Variants in NCOR2 observed in about 807,000 individuals in gnomAD.
NCOR2 encodes the protein nuclear receptor corepressor 2, also known as CTG repeat protein 26.
A neutral mutation model predicts 262.9 loss-of-function variants in NCOR2; 81 were observed. That is an observed-to-expected ratio of 0.31 (90% CI 0.26 to 0.37). NCOR2 has a LOEUF of 0.37. Among genes scored for constraint, NCOR2 ranks in the 10% least tolerant of loss-of-function variants. NCOR2 has a pLI of 1.00. For missense variants in NCOR2, 3,385 were observed against 3,621.4 expected (o/e 0.93, Z 1.68); for synonymous variants, 1,659 against 1,559.3 (o/e 1.06, Z -1.51).
At chr12:124,506,041 C>T (rs1380439724) in intron 1 of NCOR2, among the ~76,000 whole-genome samples, 1 of 151,936 alleles carries the variant, frequency 6.6e-6, no homozygotes, top group Non-Finnish European at 1.5e-5. Context: ...CTCTATCATT[C>T]CCCACATTCT....
chr12:124,495,259 G>T, upstream of NCOR2: 3 of 1,609,578 alleles, frequency 1.9e-6, no homozygotes, highest in Non-Finnish European at 1.7e-6. The surrounding 1 kb of genome is among the most constrained non-coding windows in gnomAD (Gnocchi z 4.4). Flanking sequence ...CATGGTGGTG[G>T]GGGTCGGCGG....
chr12:124,325,481 G>T (rs1245402432), exon 47 of NCOR2: 2 of 1,363,652 alleles, frequency 1.5e-6, no homozygotes, highest in Non-Finnish European at 1.9e-6. Flanking sequence ...GTGGGGGCCA[G>T]CGAGGGGCCC....
At chr12:124,429,391 T>G in intron 10 of NCOR2, 4 of 547,628 alleles carry the variant, frequency 7.3e-6, no homozygotes, top group East Asian at 3.1e-5. Context: ...CTGCAGGGGG[T>G]CCTGCTACCC....
chr12:124,542,489 C>T (rs2051403108), intron 1 of NCOR2: 1 of 152,476 alleles, frequency 6.6e-6, no homozygotes, highest in African/African-American at 2.4e-5. Flanking sequence ...CCACCTCTGC[C>T]CTGGGCACCG....
chr12:124,473,274 C>T, intron 3 of NCOR2, 143 bp from the exon 6 acceptor site: 2 of 1,025,358 alleles, frequency 2.0e-6, no homozygotes, highest in Non-Finnish European at 2.8e-6. Context: ...AGGGTGTTGC[C>T]AAAGGAGATT....
chr12:124,520,759 C>T (rs2050139819), intron 1 of NCOR2, among the ~76,000 whole-genome samples: 1 of 152,334 alleles, frequency 6.6e-6, no homozygotes, highest in Non-Finnish European at 1.5e-5. Context: ...AAAGAACTCC[C>T]CATCACGCAA....
At chr12:124,333,723 T>C (rs1330233667) in intron 41 of NCOR2, among the ~76,000 whole-genome samples, 3 of 151,588 alleles carry the variant, frequency 2.0e-5, no homozygotes, top group Non-Finnish European at 4.4e-5. Flanking sequence ...CCTCTCTTTC[T>C]CTTTTGACCC....
chr12:124,486,522 G>A, exon 2 of NCOR2: 2 of 1,604,160 alleles, frequency 1.2e-6, no homozygotes, highest in Middle Eastern at 1.7e-4. Flanking sequence ...CGACAGGTGG[G>A]AGGCATAGTC....
chr12:124,373,934 G>A (rs1030729915), intron 19 of NCOR2, among the ~76,000 whole-genome samples: 2 of 152,196 alleles, frequency 1.3e-5, no homozygotes, highest in South Asian at 4.1e-4. Context: ...CCACACCAAC[G>A]GCCTCAGCAT....
At chr12:124,546,550 G>T (rs939402583) in intron 1 of NCOR2, among the ~76,000 whole-genome samples, 1 of 152,104 alleles carries the variant, frequency 6.6e-6, no homozygotes, top group African/African-American at 2.4e-5. Flanking sequence ...GAGTATCTGG[G>T]ATTACAGGCG....
intron 7 of NCOR2, among the ~76,000 whole-genome samples, chr12:124,439,115 A>T (rs1460717983): frequency 5.4e-5 from 8 of 148,786 alleles, no homozygotes; most frequent in African/African-American, 2.0e-4. Flanking sequence ...AGAGACAGAG[A>T]CCCAGAGACA....
rs140410776 is a variant in NCOR2 at position 124,503,671 on chromosome 12, A to AATGG, written c.-117-8307_-117-8304dup. Among the ~76,000 whole-genome samples the AATGG allele has an allele frequency of 0.25, 30,248 of 121,962 alleles. 3,506 individuals are homozygous for AATGG. The highest frequency in any genetic ancestry group is 0.38 in the Middle Eastern group (83 of 216). 80.0% of individuals were successfully genotyped at this position (121,962 alleles called of 152,430 possible). ...GGATGGATGGATGGATGGACGGGTG[A>AATGG]ATGGATGGATGGATGGATGGATGGA... is the stretch of plus-strand genomic sequence containing the variant. On this transcript the variant is annotated intron_variant, in intron 1 of 46. Coordinates refer to the NCOR2 transcript ENST00000404621. The surrounding 1 kb of genome is among the most constrained non-coding windows in gnomAD (Gnocchi z 4.3).
At chr12:124,412,552 C>G (rs2042637224) in intron 13 of NCOR2, among the ~76,000 whole-genome samples, 1 of 152,262 alleles carries the variant, frequency 6.6e-6, no homozygotes, top group African/African-American at 2.4e-5. Flanking sequence ...CTGCCTCATC[C>G]AAGTTGGGCC....
intron 7 of NCOR2, among the ~76,000 whole-genome samples, chr12:124,442,128 ATTTTGTTTTG>A: frequency 6.6e-6 from 1 of 152,108 alleles, no homozygotes; most frequent in South Asian, 2.1e-4. Context: ...CTTTCTTAGT[ATTTTGTTTTG>A]TTTTGTTTTG....
At chr12:124,499,351 C>G (rs953344943), upstream of NCOR2, among the ~76,000 whole-genome samples, 3 of 152,254 alleles carry the variant, frequency 2.0e-5, no homozygotes, top group Admixed American at 2.0e-4. Context: ...TACATACACA[C>G]TGTGGTCCCT....
rs947991348 is a variant in NCOR2 at position 124,454,990 on chromosome 12, A to T, written c.762+2116T>A. Among the ~76,000 whole-genome samples, 2 of 151,606 alleles carry T rather than the reference A, an allele frequency of 1.3e-5. No homozygotes were observed. Among genetic ancestry groups the T allele is most frequent in the African/African-American group, 4.8e-5 (2 of 41,398 alleles). On this transcript the variant is annotated intron_variant, in intron 6 of 46. Coordinates refer to ENST00000405201, the Ensembl canonical transcript of NCOR2. The surrounding 1 kb of genome is among the most constrained non-coding windows in gnomAD (Gnocchi z 5.6). Reference sequence around the variant, plus strand: ...AGCCACAAAAAGGAACGAAGGACCGACCCACGCTCGACACGGATGAACCTC... The same window carrying T: ...AGCCACAAAAAGGAACGAAGGACCGTCCCACGCTCGACACGGATGAACCTC...
At chr12:124,379,091 T>C (rs909423110) in intron 17 of NCOR2, among the ~76,000 whole-genome samples, 5 of 26,884 alleles carry the variant, frequency 1.9e-4, no homozygotes, top group Non-Finnish European at 6.8e-4. Flanking sequence ...GAAGTGACAT[T>C]TGAGCCAAGA....
chr12:124,437,862 G>T, intron 8 of NCOR2, 68 bp downstream of exon 10: 1 of 1,466,510 alleles, frequency 6.8e-7, no homozygotes, highest in Non-Finnish European at 9.4e-7. Context: ...CGGCAGGTGT[G>T]GCCCCCTGTG....
At chr12:124,342,028 G>A (rs1355088355) in exon 34 of NCOR2, 1 of 1,612,830 alleles carries the variant, frequency 6.2e-7, no homozygotes, top group Admixed American at 1.7e-5. Context: ...ACAGGTGCGG[G>A]TAGGTGGGGT....
Sources: gnomAD v4.1 joint callset for allele counts (sites outside exome capture counted in the v4.1 genomes callset) on GRCh38, gnomAD v4.1.1 for gene constraint, Gnocchi (gnomAD v3.1) non-coding constraint, MANE v1.5 for transcripts, NCBI Gene and HGNC (gene_info 2026-07-23, HGNC 2026-07-21) for gene names.